The following CSMD3 variants were observed in gnomAD, a reference collection of about 807,000 sequenced individuals.
The protein encoded by CSMD3 is CUB and Sushi multiple domains 3.
A neutral mutation model predicts 435.2 loss-of-function variants in CSMD3; 177 were observed. The observed-to-expected ratio is 0.41, with a 90% CI of 0.36 to 0.46. The LOEUF is 0.46. CSMD3 is among the 20% of genes least tolerant of loss of function. The pLI, the probability that CSMD3 is intolerant of heterozygous loss-of-function variation, is 0.34. For synonymous variants in CSMD3, 1,656 were observed against 1,520.5 expected (o/e 1.09, Z -2.07); for missense variants, 4,265 against 4,504.6 (o/e 0.95, Z 1.52).
chr8:112,437,573 A>ATG (rs971397759), intron 32 of CSMD3, among the ~76,000 whole-genome samples: 11 of 152,046 alleles, frequency 7.2e-5, no homozygotes, highest in East Asian at 1.9e-4. Context: ...CCATATATAT[A>ATG]TGTGTGTGTG....
chr8:113,243,935 A>G (rs2093248312), intron 3 of CSMD3, among the ~76,000 whole-genome samples: 1 of 152,118 alleles, frequency 6.6e-6, no homozygotes, highest in African/African-American at 2.4e-5. Context: ...AACTTTGCCC[A>G]TATTTAAACT....
intron 4 of CSMD3, among the ~76,000 whole-genome samples, chr8:113,134,904 A>C (rs1383365084): frequency 6.6e-6 from 1 of 152,048 alleles, no homozygotes; most frequent in Non-Finnish European, 1.5e-5. Flanking sequence ...AGAAGCAAAA[A>C]GGTGAGCAAA....
intron 22 of CSMD3, among the ~76,000 whole-genome samples, chr8:112,596,581 C>A (rs1586764868): frequency 2.0e-5 from 3 of 152,040 alleles, no homozygotes; most frequent in Non-Finnish European, 4.4e-5. Flanking sequence ...CAGCACCACA[C>A]CACACCTATT....
At chr8:113,233,976 C>T (rs1315364821) in intron 3 of CSMD3, among the ~76,000 whole-genome samples, 1 of 152,014 alleles carries the variant, frequency 6.6e-6, no homozygotes, top group Non-Finnish European at 1.5e-5. Flanking sequence ...TCTATTACTA[C>T]AGTAGATCTT....
At chr8:112,972,952 T>A (rs1390379319) in intron 7 of CSMD3, among the ~76,000 whole-genome samples, 1 of 151,982 alleles carries the variant, frequency 6.6e-6, no homozygotes, top group Non-Finnish European at 1.5e-5. Context: ...GAAATTAGAA[T>A]TATGTGGTTA....
intron 5 of CSMD3, among the ~76,000 whole-genome samples, chr8:113,050,639 A>G (rs1472569447): frequency 1.3e-5 from 2 of 152,118 alleles, no homozygotes; most frequent in Admixed American, 1.3e-4. Context: ...TTAAAAATAT[A>G]TATTTGTACG....
intron 13 of CSMD3, among the ~76,000 whole-genome samples, chr8:112,762,840 G>A (rs2077875622): frequency 6.6e-6 from 1 of 151,784 alleles, no homozygotes; most frequent in Non-Finnish European, 1.5e-5. Flanking sequence ...CATATGTGGA[G>A]TCTAAAAAAG....
intron 32 of CSMD3, among the ~76,000 whole-genome samples, chr8:112,410,660 A>G (rs1042994700): frequency 2.5e-5 from 3 of 117,652 alleles, no homozygotes; most frequent in African/African-American, 6.0e-5. Context: ...GTGTATATAT[A>G]TGTATATATA....
intron 11 of CSMD3, among the ~76,000 whole-genome samples, chr8:112,846,704 C>T (rs1272603819): frequency 1.3e-5 from 2 of 151,816 alleles, no homozygotes; most frequent in African/African-American, 4.8e-5. Context: ...CTGTATCTGG[C>T]CTCATTTTTT....
intron 5 of CSMD3, among the ~76,000 whole-genome samples, chr8:113,040,090 G>T (rs2087540871): frequency 6.6e-6 from 1 of 152,118 alleles, no homozygotes; most frequent in African/African-American, 2.4e-5. Flanking sequence ...AGAGATATAT[G>T]GTTAGAGGTC....
At chr8:113,234,357 T>A (rs2093123936) in intron 3 of CSMD3, among the ~76,000 whole-genome samples, 1 of 152,094 alleles carries the variant, frequency 6.6e-6, no homozygotes, top group Non-Finnish European at 1.5e-5. Flanking sequence ...AGCAGAATGA[T>A]GATGTCAGCC....
intron 5 of CSMD3, among the ~76,000 whole-genome samples, chr8:113,028,242 A>C (rs1041320347): frequency 1.4e-5 from 2 of 145,484 alleles, no homozygotes; most frequent in Non-Finnish European, 3.1e-5. Context: ...TGGGTGTCAC[A>C]AACTGTGCCC....
chr8:113,154,952 GA>G (rs976869742), intron 4 of CSMD3, among the ~76,000 whole-genome samples: 2 of 151,948 alleles, frequency 1.3e-5, no homozygotes, highest in African/African-American at 4.8e-5. Flanking sequence ...ATTTTCCTCA[GA>G]AAGTTAAAAT....
chr8:113,137,149 T>TTA (rs1253168989), intron 4 of CSMD3, among the ~76,000 whole-genome samples: 1 of 151,760 alleles, frequency 6.6e-6, no homozygotes, highest in African/African-American at 2.4e-5. Flanking sequence ...ACAGCAATGT[T>TTA]TAGAGTCCAA....
At chr8:113,089,699 G>C (rs971547596) in intron 5 of CSMD3, among the ~76,000 whole-genome samples, 3 of 152,060 alleles carry the variant, frequency 2.0e-5, no homozygotes, top group Non-Finnish European at 4.4e-5. Context: ...GTCTTCACTT[G>C]TCTTCCTTTA....
chr8:112,256,866 G>A (rs1815853154), intron 61 of CSMD3, among the ~76,000 whole-genome samples: 1 of 152,106 alleles, frequency 6.6e-6, no homozygotes, highest in South Asian at 2.1e-4. Flanking sequence ...CATCCAAACT[G>A]AGAAACTTTT....
At chr8:112,783,478 G>GAAGC (rs2078451520) in intron 13 of CSMD3, among the ~76,000 whole-genome samples, 1 of 101,318 alleles carries the variant, frequency 9.9e-6, no homozygotes, top group Non-Finnish European at 1.9e-5. Context: ...AGGAAGGAAG[G>GAAGC]AAGGGAGAGA....
In CSMD3 at chr8:112,696,205, A is replaced by G. The variant is rs145460120; in HGVS notation, c.1973-6155T>C. Among the ~76,000 whole-genome samples, 1,332 of 152,314 alleles carry G rather than the reference A, an allele frequency of 8.7e-3. 11 individuals are homozygous for G. The highest frequency in any genetic ancestry group is 0.027 in the Middle Eastern group (8 of 292). ...CATCAAGCTACCAATGACCTTTTTC[A>G]CAGAATTTGAAAAAACTACTTTAAA... is the stretch of plus-strand genomic sequence containing the variant. On this transcript the variant is annotated intron_variant, in intron 13 of 70. Coordinates refer to ENST00000297405, the MANE Select transcript of CSMD3 (RefSeq NM_198123.2).
At chr8:113,297,251 A>G (rs1009190371) in intron 2 of CSMD3, among the ~76,000 whole-genome samples, 2 of 151,456 alleles carry the variant, frequency 1.3e-5, no homozygotes, top group Non-Finnish European at 2.9e-5. Context: ...ATAAAACTAT[A>G]GTGTTTAAGT....
Sources: gnomAD v4.1 joint callset for allele counts (sites outside exome capture counted in the v4.1 genomes callset) on GRCh38, gnomAD v4.1.1 for gene constraint, MANE v1.5 for transcripts, NCBI Gene and HGNC (gene_info 2026-07-23, HGNC 2026-07-21) for gene names.